TSTD2: variants seen among roughly 807,000 people sequenced by gnomAD.
TSTD2 encodes the protein thiosulfate sulfurtransferase like domain containing 2.
TSTD2 carries 37 observed loss-of-function variants against 47.9 expected under a neutral mutation model. That is an observed-to-expected ratio of 0.77 (90% confidence interval 0.59 to 1.02). The LOEUF (loss-of-function observed/expected upper bound fraction) is 1.02, where lower values mean the gene tolerates loss of function less well. TSTD2 is among the 50% of genes least tolerant of loss of function. TSTD2 has a pLI of 0.00. For missense variants in TSTD2, 586 were observed against 616.0 expected, an observed-to-expected ratio of 0.95 and a Z score of 0.52; for synonymous variants, 201 against 215.9, an observed-to-expected ratio of 0.93 and a Z score of 0.61.
At chr9:97,621,282 C>G (rs771215164) in intron 3 of TSTD2, among the ~76,000 whole-genome samples, 1 of 152,162 alleles carries the variant, frequency 6.6e-6, no homozygotes, top group African/African-American at 2.4e-5. Context: ...CTCTTAATCC[C>G]GTCATCTTCA....
rs1826256760 is a variant in TSTD2 at position 97,601,423 on chromosome 9, T to C, written c.*1046A>G. The C allele has an allele frequency of 2.9e-6, 3 of 1,037,756 alleles. No homozygotes were observed. Among genetic ancestry groups the C allele is most frequent in the Admixed American group, 5.7e-5 (1 of 17,590 alleles). The allele number at this position is 1,037,756 out of a possible 1,614,324, so 64.3% of individuals were successfully genotyped here. A position where few individuals can be genotyped will look rare whatever the true frequency, so the allele number is the denominator to read the frequency against. On this transcript the variant is annotated 3_prime_UTR_variant, in exon 10 of 10. Transcript: ENST00000341170. ...TGGCTCAAATGTCACCGAGCTTATATGAAGCTCCCAGAGAGAACATTTAAA... is the reference window on the plus strand; with the variant it reads ...TGGCTCAAATGTCACCGAGCTTATACGAAGCTCCCAGAGAGAACATTTAAA...
At position 97,601,604 on chromosome 9, in the gene TSTD2, T is replaced by G; in HGVS notation, c.*865A>C. On this transcript the variant is annotated 3_prime_UTR_variant, in exon 10 of 10. Coordinates refer to ENST00000341170, the MANE Select transcript of TSTD2 (RefSeq NM_139246.5). Reference sequence around the variant, plus strand: ...TGGTCTAGATCAGGGGCTGGCAAACTTTTCTGTAAAAGGCCAGACAGTAAA... The same window carrying G: ...TGGTCTAGATCAGGGGCTGGCAAACGTTTCTGTAAAAGGCCAGACAGTAAA... 1 of 987,352 alleles carries G rather than the reference T, an allele frequency of 1.0e-6. No homozygotes were observed. The highest frequency in any genetic ancestry group is 1.2e-6 in the Non-Finnish European group (1 of 831,314). 61.2% of individuals were successfully genotyped at this position (987,352 alleles called of 1,614,324 possible). A position where few individuals can be genotyped will look rare whatever the true frequency, so the allele number is the denominator to read the frequency against.
At chr9:97,617,617 T>A in intron 4 of TSTD2, 140 bp downstream of exon 4, 1 of 1,109,314 alleles carries the variant, frequency 9.0e-7, no homozygotes. Flanking sequence ...CCTAATATTC[T>A]ACTTAAATGC....
Position 97,601,235 on chromosome 9 carries a change from T to TA in TSTD2, c.*1233dup. On this transcript the variant is annotated 3_prime_UTR_variant, in exon 10 of 10. Transcript: ENST00000341170. ...ATCGCTGAAAACTGCAATATAATAT[T>TA]AAATCTGTTGGTCTATGCATGGCTG... The TA allele has an allele frequency of 7.9e-7, 1 of 1,263,770 alleles. No individual in the cohort carries two copies. Among genetic ancestry groups the TA allele is most frequent in the Non-Finnish European group, 1.0e-6 (1 of 966,568 alleles). The allele number at this position is 1,263,770 out of a possible 1,614,324, so 78.3% of individuals were successfully genotyped here.
At chr9:97,613,456 C>G (rs1009053995) in intron 4 of TSTD2, among the ~76,000 whole-genome samples, 1 of 152,022 alleles carries the variant, frequency 6.6e-6, no homozygotes, top group African/African-American at 2.4e-5. Context: ...ATCTCAAGTC[C>G]CATATTCTCT....
chr9:97,631,244 G>T (rs1317004728), intron 1 of TSTD2, among the ~76,000 whole-genome samples: 1 of 152,028 alleles, frequency 6.6e-6, no homozygotes, highest in East Asian at 1.9e-4. Flanking sequence ...AGCCTCCCGA[G>T]TAGCTGGGAG....
At position 97,601,193 on chromosome 9, in the gene TSTD2, T is replaced by C. The variant is rs557511252; in HGVS notation, c.*1276A>G. 935 of 1,297,428 alleles carry C rather than the reference T, an allele frequency of 7.2e-4. No homozygotes were observed. Among genetic ancestry groups the C allele is most frequent in the Non-Finnish European group, 8.7e-4 (860 of 984,868 alleles). 80.4% of individuals were successfully genotyped at this position (1,297,428 alleles called of 1,614,324 possible). On this transcript the variant is annotated 3_prime_UTR_variant, in exon 10 of 10. Coordinates refer to ENST00000341170, the MANE Select transcript of TSTD2 (RefSeq NM_139246.5). ...CATTTGGCTTCTCCTTAAAACACAA[T>C]TGCAGCTGCATTCTGCATCGCTGAA...
intron 1 of TSTD2, among the ~76,000 whole-genome samples, chr9:97,630,248 G>A (rs1399172238): frequency 6.6e-6 from 1 of 152,178 alleles, no homozygotes; most frequent in African/African-American, 2.4e-5. Context: ...CTCTGCACCT[G>A]AGTGTGGGGT....
At chr9:97,608,740 T>A (rs1385009769) in intron 6 of TSTD2, among the ~76,000 whole-genome samples, 1 of 152,212 alleles carries the variant, frequency 6.6e-6, no homozygotes, top group Admixed American at 6.5e-5. Flanking sequence ...CAGGAAAAGC[T>A]GTTTGTAGTC....
chr9:97,612,957 C>A (rs1285696134), intron 4 of TSTD2, among the ~76,000 whole-genome samples: 3 of 152,216 alleles, frequency 2.0e-5, no homozygotes, highest in Non-Finnish European at 4.4e-5. Flanking sequence ...TCCTGGAAAG[C>A]CCCATTTGCT....
At chr9:97,610,497 TC>T in intron 5 of TSTD2, 46 bp from the exon 6 acceptor site, 1 of 1,394,566 alleles carries the variant, frequency 7.2e-7, no homozygotes, top group African/African-American at 1.5e-5. Flanking sequence ...CTGTCCCATC[TC>T]CAGGTATAAG....
intron 6 of TSTD2, among the ~76,000 whole-genome samples, chr9:97,607,844 T>C (rs977117308): frequency 1.3e-5 from 2 of 151,368 alleles, no homozygotes; most frequent in African/African-American, 4.9e-5. Context: ...GCAGAGGTTG[T>C]AGTGAGCATT....
chr9:97,630,552 T>C (rs73551090), intron 1 of TSTD2, among the ~76,000 whole-genome samples: 14,274 of 152,156 alleles, frequency 0.094, 2,301 homozygotes, highest in African/African-American at 0.33. Flanking sequence ...TGCTTCTCAG[T>C]TTCCTTTGCT....
intron 2 of TSTD2, chr9:97,627,183 G>C: frequency 1.1e-6 from 1 of 892,234 alleles, no homozygotes; most frequent in Non-Finnish European, 1.5e-6. Flanking sequence ...TAATCCATCT[G>C]TCTAGGATCC....
intron 6 of TSTD2, among the ~76,000 whole-genome samples, chr9:97,607,532 T>G (rs1041832442): frequency 6.6e-6 from 1 of 152,140 alleles, no homozygotes; most frequent in Non-Finnish European, 1.5e-5. Context: ...GAGAATGTAG[T>G]AAGGCCAGAT....
At chr9:97,609,867 T>A (rs1450718652) in intron 6 of TSTD2, among the ~76,000 whole-genome samples, 1 of 151,960 alleles carries the variant, frequency 6.6e-6, no homozygotes, top group African/African-American at 2.4e-5. Flanking sequence ...ATGTTTAAAA[T>A]TTTTCATAGT....
Position 97,600,506 on chromosome 9 carries a change from T to G in TSTD2, c.*1963A>C. The G allele has an allele frequency of 4.1e-6, 4 of 985,642 alleles. No homozygotes were observed. The highest frequency in any genetic ancestry group is 4.8e-6 in the Non-Finnish European group (4 of 830,104). The allele number at this position is 985,642 out of a possible 1,614,324, so 61.1% of individuals were successfully genotyped here. A position where few individuals can be genotyped will look rare whatever the true frequency, so the allele number is the denominator to read the frequency against. On this transcript the variant is annotated 3_prime_UTR_variant, in exon 10 of 10. Transcript: ENST00000341170. ...ATGGATGTGAAAATCTACGGCCAAA[T>G]ACTTTTGAAAACACCTTTCTATATT...
chr9:97,615,682 A>G (rs1826532416), intron 4 of TSTD2, among the ~76,000 whole-genome samples: 1 of 152,192 alleles, frequency 6.6e-6, no homozygotes, highest in Non-Finnish European at 1.5e-5. Context: ...AAGTGCTGCC[A>G]CCTTGTGGGT....
intron 3 of TSTD2, among the ~76,000 whole-genome samples, chr9:97,625,017 G>C (rs1826697382): frequency 2.0e-5 from 3 of 152,014 alleles, no homozygotes. Flanking sequence ...CAGATCTTAA[G>C]TGTAAAGTTT....
Sources: gnomAD v4.1 joint callset for allele counts (sites outside exome capture counted in the v4.1 genomes callset) on GRCh38, gnomAD v4.1.1 for gene constraint, MANE v1.5 for transcripts, NCBI Gene and HGNC (gene_info 2026-07-23, HGNC 2026-07-21) for gene names.